Variants in BSN observed in about 807,000 individuals in gnomAD.
BSN encodes bassoon presynaptic cytomatrix protein.
In BSN, 57 loss-of-function variants were observed where a neutral mutation model predicts 264.8. The ratio of observed to expected loss-of-function variants is 0.22; its 90% CI spans 0.17 to 0.27. BSN has a LOEUF of 0.27. BSN is among the 10% of genes least tolerant of loss of function. The pLI is 1.00. For missense variants in BSN, 4,615 were observed against 5,232.5 expected (o/e 0.88, Z 3.64); for synonymous variants, 2,059 against 2,137.3 (o/e 0.96, Z 1.01).
rs1159758994 is a variant in BSN, at chr3:49,669,858, AG to A, written c.*2374del. On this transcript the variant is annotated 3_prime_UTR_variant, in exon 12 of 12. Coordinates refer to ENST00000296452, the MANE Select transcript of BSN (RefSeq NM_003458.4). ...TGCTCACCCCCTTCTCCAAAGCCCA[AG>A]CGTCCCGCTGCTCATCAGCTTTTTT... The A allele has an allele frequency of 6.6e-6, 1 of 152,634 alleles. No homozygotes were observed. Among genetic ancestry groups the A allele is most frequent in the East Asian group, 1.9e-4 (1 of 5,188 alleles). 9.5% of individuals were successfully genotyped at this position (152,634 alleles called of 1,614,324 possible). A position where few individuals can be genotyped will look rare whatever the true frequency, so the allele number is the denominator to read the frequency against.
intron 3 of BSN, among the ~76,000 whole-genome samples, chr3:49,645,965 C>A (rs1307193467): frequency 6.6e-6 from 1 of 152,216 alleles, no homozygotes; most frequent in African/African-American, 2.4e-5. Context: ...GTGGAGCCCC[C>A]CTCATAGCTC....
chr3:49,649,898 A>G (rs1321100318), intron 3 of BSN, among the ~76,000 whole-genome samples: 2 of 152,180 alleles, frequency 1.3e-5, no homozygotes, highest in African/African-American at 4.8e-5. Context: ...GCCACCACAC[A>G]TAGTCCCCAT....
At position 49,655,979 on chromosome 3, in the gene BSN, G is replaced by T. The variant is rs745388424; in HGVS notation, c.6423G>T (p.Leu2141=). 1 of 1,608,740 alleles carries T rather than the reference G, an allele frequency of 6.2e-7. No individual in the cohort carries two copies. The highest frequency in any genetic ancestry group is 8.5e-7 in the Non-Finnish European group (1 of 1,178,648). The change falls in exon 5 of 12, where the codon CTG becomes CTT. Residue 2141 remains leucine, a synonymous_variant. Coordinates refer to ENST00000296452, the MANE Select transcript of BSN (RefSeq NM_003458.4). ...HGPGLSAPQS[L]VPLRPGLLGN... The stretch of plus-strand genomic sequence containing the variant: ...CCGGGCTCAGTGCTCCACAGAGTCT[G>T]GTTCCCCTCAGACCTGGACTCCTTG...
chr3:49,572,976 A>G (rs906191861), intron 1 of BSN, among the ~76,000 whole-genome samples: 2 of 152,204 alleles, frequency 1.3e-5, no homozygotes, highest in African/African-American at 4.8e-5. Flanking sequence ...GCCAAGTCTC[A>G]GAGTACCTGA....
chr3:49,570,911 A>G (rs2051790529), intron 1 of BSN, among the ~76,000 whole-genome samples: 1 of 152,164 alleles, frequency 6.6e-6, no homozygotes, highest in South Asian at 2.1e-4. Context: ...GCAGTCCCAC[A>G]TGAACACTGA....
chr3:49,662,106 A>C lies in BSN; in HGVS notation c.10261A>C (p.Lys3421Gln). The change falls in exon 6 of 12, where the codon AAA becomes CAA. Residue 3421 changes from lysine (K) to glutamine (Q), a missense_variant. Coordinates refer to ENST00000296452, the MANE Select transcript of BSN (RefSeq NM_003458.4). Reference protein sequence around the residue: ...GLKKNVYEQQKYYGMSSRDAV... With the variant: ...GLKKNVYEQQQYYGMSSRDAV... ...CAAGAAGAACGTGTATGAGCAGCAA[A>C]AATACTATGGGATGTCCAGCCGGGA... is the stretch of plus-strand genomic sequence containing the variant. 2 of 1,613,502 alleles carry C rather than the reference A, an allele frequency of 1.2e-6. No homozygotes were observed. Among genetic ancestry groups the C allele is most frequent in the Non-Finnish European group, 1.7e-6 (2 of 1,180,036 alleles).
Position 49,661,721 on chromosome 3 carries a change from G to C in BSN, c.9876G>C (p.Glu3292Asp), listed in dbSNP as rs1261000178. The change falls in exon 6 of 12, where the codon GAG becomes GAC. Residue 3292 changes from glutamate to aspartate, a missense_variant. Physicochemically the swap from Glu to Asp is conservative, Grantham distance 45. Around this residue, in one of 3 missense-constraint regions of BSN, gnomAD observed 3,415 missense variants for 3,866.4 expected, o/e 0.88. Transcript: ENST00000296452. ...ATGCCAGAGGAGAAGAGGAATCTGA[G>C]GAGGACTCATACGATCCCCGCGGGA... ...CCYARGEEES[E>D]EDSYDPRGKG... is the part of the protein sequence containing the mutation. 6.8e-6 allele frequency: 11 copies of C among 1,613,514 alleles called. No homozygotes were observed. Among genetic ancestry groups the C allele is most frequent in the Non-Finnish European group, 9.3e-6 (11 of 1,180,046 alleles).
chr3:49,657,000 G>C lies in BSN; in HGVS notation c.7444G>C (p.Glu2482Gln), dbSNP rs2052609703. The change falls in exon 5 of 12, where the codon GAG becomes CAG. Residue 2482 changes from glutamate to glutamine, a missense_variant. Coordinates refer to ENST00000296452, the MANE Select transcript of BSN (RefSeq NM_003458.4). The part of the protein sequence containing the change: ...RQKAPFPAAC[E>Q]APGRGPPLAA... Reference sequence around the variant, plus strand: ...GAAGGCTCCCTTTCCTGCAGCCTGTGAGGCACCTGGCCGAGGGCCTCCCCT... The same window carrying C: ...GAAGGCTCCCTTTCCTGCAGCCTGTCAGGCACCTGGCCGAGGGCCTCCCCT... The C allele has an allele frequency of 6.2e-7, 1 of 1,610,262 alleles. No individual in the cohort carries two copies. The highest frequency in any genetic ancestry group is 8.5e-7 in the Non-Finnish European group (1 of 1,177,834).
chr3:49,599,180 G>A (rs931284998), intron 1 of BSN, among the ~76,000 whole-genome samples: 6 of 152,132 alleles, frequency 3.9e-5, no homozygotes, highest in African/African-American at 1.2e-4. Context: ...GTACTGGTGA[G>A]GCTTCCTCAT....
At chr3:49,590,365 T>C (rs544301680) in intron 1 of BSN, among the ~76,000 whole-genome samples, 22 of 152,348 alleles carry the variant, frequency 1.4e-4, no homozygotes, top group Admixed American at 1.4e-3. Flanking sequence ...GATTATTTAA[T>C]CCATTTTCAT....
intron 1 of BSN, among the ~76,000 whole-genome samples, chr3:49,601,895 C>A (rs981079194): frequency 6.6e-6 from 1 of 152,172 alleles, no homozygotes; most frequent in African/African-American, 2.4e-5. Context: ...GTTGCTTTTG[C>A]GTGGTCCCCA....
Position 49,653,585 on chromosome 3 carries a change from T to C in BSN, c.4029T>C (p.Thr1343=). The change falls in exon 5 of 12, where the codon ACT becomes ACC. Residue 1343 remains threonine, a synonymous_variant. Coordinates refer to ENST00000296452, the MANE Select transcript of BSN (RefSeq NM_003458.4). This position sits in a 1 kb window ranked among gnomAD's most constrained non-coding sequence, Gnocchi z 6.3. ...GGRVIPDVRV[T]QHFAKETQDP... The stretch of plus-strand genomic sequence containing the variant: ...GAGTTATTCCCGATGTCCGTGTCAC[T>C]CAGCATTTTGCAAAGGAGACTCAGG... 1 of 1,613,726 alleles carries C rather than the reference T, an allele frequency of 6.2e-7. No individual in the cohort carries two copies. The highest frequency in any genetic ancestry group is 1.1e-5 in the South Asian group (1 of 91,074).
chr3:49,606,146 T>TA (rs1204230309), intron 1 of BSN, among the ~76,000 whole-genome samples: 27 of 65,842 alleles, frequency 4.1e-4, no homozygotes, highest in African/African-American at 1.6e-3. Context: ...ATATATTATA[T>TA]ATGTATATAT....
intron 1 of BSN, among the ~76,000 whole-genome samples, chr3:49,606,954 A>G (rs567554950): frequency 6.0e-4 from 92 of 152,194 alleles, no homozygotes; most frequent in African/African-American, 2.1e-3. Context: ...CATCTCTACT[A>G]AAAATACAAA....
At chr3:49,571,374 AG>A (rs1328153702) in intron 1 of BSN, among the ~76,000 whole-genome samples, 2 of 152,014 alleles carry the variant, frequency 1.3e-5, no homozygotes, top group Non-Finnish European at 1.5e-5. Flanking sequence ...TCATGTGTCC[AG>A]TGAAGGGTCA....
chr3:49,574,630 C>CTTTTTTTTTTT (rs60300269), intron 1 of BSN, among the ~76,000 whole-genome samples: 2 of 51,920 alleles, frequency 3.9e-5, no homozygotes, highest in African/African-American at 7.1e-5. Context: ...GGTGGGGTTT[C>CTTTTTTTTTTT]TTTTTTTTTT....
chr3:49,642,633 C>T lies in BSN; in HGVS notation c.999C>T (p.Pro333=), dbSNP rs761909074. The T allele has an allele frequency of 1.1e-5, 18 of 1,602,930 alleles. No individual in the cohort carries two copies. The highest frequency in any genetic ancestry group is 4.5e-5 in the East Asian group (2 of 44,672). Residue 333 remains proline (P), a synonymous_variant, in exon 3 of 12, where the codon CCC becomes CCT. Coordinates refer to ENST00000296452, the MANE Select transcript of BSN (RefSeq NM_003458.4). This position sits in a 1 kb window ranked among gnomAD's most constrained non-coding sequence, Gnocchi z 7.0. ...CGGCCAAAAGTGCCACCGCAGTGCC[C>T]GCTGGGCTTGGTGCCACTGAGCAGA... ...EAPAKSATAV[P]AGLGATEQTQ... is the part of the protein sequence containing the mutation.
At chr3:49,571,448 T>C (rs908488095) in intron 1 of BSN, among the ~76,000 whole-genome samples, 1 of 151,924 alleles carries the variant, frequency 6.6e-6, no homozygotes, top group South Asian at 2.1e-4. Flanking sequence ...GGCCTCTGGG[T>C]AGAGTAGACT....
intron 3 of BSN, among the ~76,000 whole-genome samples, chr3:49,646,726 G>A (rs1186109140): frequency 6.6e-6 from 1 of 152,184 alleles, no homozygotes; most frequent in Admixed American, 6.5e-5. Context: ...GGTGTGGATG[G>A]ACCCTGTGGC....
Sources: allele counts gnomAD v4.1 joint callset (sites outside exome capture counted in the v4.1 genomes callset), GRCh38; gene constraint gnomAD v4.1.1; regional missense constraint gnomAD v4.1.1; non-coding constraint Gnocchi (gnomAD v3.1); transcripts MANE v1.5; gene names NCBI Gene and HGNC (gene_info 2026-07-23, HGNC 2026-07-21).